Variants in PAFAH1B1 observed in about 807,000 individuals in gnomAD.
PAFAH1B1 encodes the protein platelet activating factor acetylhydrolase 1b regulatory subunit 1, also known as platelet-activating factor acetylhydrolase IB subunit beta.
In PAFAH1B1, 2 loss-of-function variants were observed where a neutral mutation model predicts 57.5. The observed-to-expected ratio is 0.03, with a 90% CI of 0.01 to 0.11. PAFAH1B1 has a LOEUF of 0.11. Ranked by LOEUF, PAFAH1B1 falls within the 10% of genes least tolerant of loss-of-function variation. The pLI is 1.00. For missense variants in PAFAH1B1, 257 were observed against 512.0 expected (o/e 0.50, Z 4.81); for synonymous variants, 152 against 169.6 (o/e 0.90, Z 0.81).
At chr17:2,622,985 G>A (rs1443845346) in intron 1 of PAFAH1B1, among the ~76,000 whole-genome samples, 3 of 152,308 alleles carry the variant, frequency 2.0e-5, no homozygotes, top group Admixed American at 6.5e-5. Context: ...TGAGCTGTAC[G>A]TCAGCCCCTT....
rs187519888 is a variant in PAFAH1B1 at position 2,676,249 on chromosome 17, G to A, written c.901-256G>A. 1,115 of 414,282 alleles carry A rather than the reference G, an allele frequency of 2.7e-3. 12 individuals are homozygous for A. Among genetic ancestry groups the A allele is most frequent in the African/African-American group, 0.021 (1,007 of 49,086 alleles). 25.7% of individuals were successfully genotyped at this position (414,282 alleles called of 1,614,324 possible). On this transcript the variant is annotated intron_variant, in intron 8 of 10. Transcript: ENST00000397195. ...AAAAATTAGCCACATGTGGTGGTGC[G>A]TGCCTGTAATCACATCTACTTGGGA...
chr17:2,643,696 G>T (rs1213648599), intron 2 of PAFAH1B1, among the ~76,000 whole-genome samples: 1 of 151,846 alleles, frequency 6.6e-6, no homozygotes, highest in African/African-American at 2.4e-5. Context: ...AGTAGCTGGG[G>T]TTACAGGCAG....
chr17:2,679,954 C>G, intron 9 of PAFAH1B1: 2 of 569,144 alleles, frequency 3.5e-6, no homozygotes, highest in Non-Finnish European at 6.2e-6. Flanking sequence ...TCTTTTTAAC[C>G]CTCATCCAGG....
intron 9 of PAFAH1B1, among the ~76,000 whole-genome samples, chr17:2,678,324 C>T (rs2069304109): frequency 6.6e-6 from 1 of 151,262 alleles, no homozygotes; most frequent in Non-Finnish European, 1.5e-5. Flanking sequence ...ATCACTTTAA[C>T]CTGGGAGGCG....
intron 9 of PAFAH1B1, among the ~76,000 whole-genome samples, chr17:2,677,091 T>C (rs1185602512): frequency 6.6e-6 from 1 of 152,108 alleles, no homozygotes; most frequent in African/African-American, 2.4e-5. Context: ...AGGTGGAGCT[T>C]GCAGTGAGCC....
Position 2,638,149 on chromosome 17 carries a change from T to C in PAFAH1B1, c.-140T>C, listed in dbSNP as rs1368060287. 41 of 638,402 alleles carry C rather than the reference T, an allele frequency of 6.4e-5. No individual in the cohort carries two copies. In the Admixed American group the frequency reaches 1.2e-3, roughly 19 times the overall value. The allele number at this position is 638,402 out of a possible 1,614,324, so 39.5% of individuals were successfully genotyped here. On this transcript the variant is annotated 5_prime_UTR_variant, in exon 2 of 11. Coordinates refer to ENST00000397195, the MANE Select transcript of PAFAH1B1 (RefSeq NM_000430.4). ...ATCTTCTGGTTACTAGTTGGATTCA[T>C]TTGTGAAAGAATCATTTTCCCCTGT...
chr17:2,615,847 G>A (rs1174577743), intron 1 of PAFAH1B1, among the ~76,000 whole-genome samples: 2 of 152,180 alleles, frequency 1.3e-5, no homozygotes. Context: ...GATCAGTCTG[G>A]TGTGGCAATA....
chr17:2,662,529 A>G (rs1254606432), intron 2 of PAFAH1B1, among the ~76,000 whole-genome samples: 1 of 151,178 alleles, frequency 6.6e-6, no homozygotes, highest in African/African-American at 2.4e-5. Flanking sequence ...TCAGCCTCCC[A>G]AGTAGCTGGG....
chr17:2,661,612 T>C (rs1220706770), intron 2 of PAFAH1B1, among the ~76,000 whole-genome samples: 1 of 152,172 alleles, frequency 6.6e-6, no homozygotes, highest in Admixed American at 6.6e-5. Context: ...TGCCTCCAGC[T>C]TTGTTCTTTT....
At chr17:2,676,757 G>A in intron 9 of PAFAH1B1, 151 bp downstream of exon 9, 1 of 668,510 alleles carries the variant, frequency 1.5e-6, no homozygotes, top group Non-Finnish European at 2.7e-6. Context: ...TTTTGTTGTT[G>A]TTATAGTGAT....
intron 1 of PAFAH1B1, among the ~76,000 whole-genome samples, chr17:2,597,491 A>T (rs1332675219): frequency 7.1e-6 from 1 of 141,272 alleles, no homozygotes; most frequent in Admixed American, 7.5e-5. Flanking sequence ...GCTCACTGCA[A>T]CCTCTGCCTT....
intron 6 of PAFAH1B1, 42 bp from the exon 7 acceptor site, chr17:2,672,610 TTGG>T (rs764844601): frequency 1.6e-6 from 2 of 1,270,608 alleles, no homozygotes; most frequent in South Asian, 2.4e-5. Flanking sequence ...TTCATTGCTC[TTGG>T]TGGTATATTA....
intron 1 of PAFAH1B1, among the ~76,000 whole-genome samples, chr17:2,621,467 T>C (rs890865246): frequency 1.3e-5 from 2 of 152,218 alleles, no homozygotes; most frequent in Non-Finnish European, 1.5e-5. Context: ...AACAGATTCT[T>C]GAAAGCAACT....
chr17:2,683,849 G>A lies in PAFAH1B1; in HGVS notation c.*2047G>A, dbSNP rs1166868516. 1 of 152,556 alleles carries A rather than the reference G, an allele frequency of 6.6e-6. No homozygotes were observed. The highest frequency in any genetic ancestry group is 1.5e-5 in the Non-Finnish European group (1 of 68,026). The allele number at this position is 152,556 out of a possible 1,614,324, so 9.5% of individuals were successfully genotyped here. Reference sequence around the variant, plus strand: ...CTATTTTGAGAAATATAAATACATAGAAATGGTGCATCTTAACATTTGTTT... The same window carrying A: ...CTATTTTGAGAAATATAAATACATAAAAATGGTGCATCTTAACATTTGTTT... On this transcript the variant is annotated 3_prime_UTR_variant, in exon 11 of 11. Transcript: ENST00000397195.
intron 3 of PAFAH1B1, 41 bp from the exon 4 acceptor site, chr17:2,665,975 G>A (rs756828605): frequency 1.1e-5 from 16 of 1,401,382 alleles, no homozygotes; most frequent in African/African-American, 7.2e-5. Context: ...GAGGATCATA[G>A]TTAAGCCATT....
chr17:2,611,468 G>C (rs527798194), intron 1 of PAFAH1B1, among the ~76,000 whole-genome samples: 1 of 149,038 alleles, frequency 6.7e-6, no homozygotes, highest in Non-Finnish European at 1.5e-5. Flanking sequence ...ACTCCGTCTC[G>C]GGGCAAAAAA....
chr17:2,641,083 T>A (rs575389684), intron 2 of PAFAH1B1: 1 of 152,256 alleles, frequency 6.6e-6, no homozygotes, highest in Non-Finnish European at 1.5e-5. Context: ...GCAGCACTTA[T>A]CATTTTGCTG....
At position 2,656,771 on chromosome 17, in the gene PAFAH1B1, A is replaced by G. The variant is rs78256615; in HGVS notation, c.33-8601A>G. Among the ~76,000 whole-genome samples the G allele has an allele frequency of 3.0e-3, 458 of 152,250 alleles. 1 individual carries two copies. Among genetic ancestry groups the G allele is most frequent in the Non-Finnish European group, 4.6e-3 (313 of 68,012 alleles). On this transcript the variant is annotated intron_variant, in intron 2 of 10. Transcript: ENST00000397195. Reference sequence around the variant, plus strand: ...CTTCCTTTGTTTAGTTTGCTGTTTCATGTAATCTGCCTGTATACTTCTGAC... The same window carrying G: ...CTTCCTTTGTTTAGTTTGCTGTTTCGTGTAATCTGCCTGTATACTTCTGAC...
chr17:2,654,936 G>A (rs942072867), intron 2 of PAFAH1B1, among the ~76,000 whole-genome samples: 7 of 150,098 alleles, frequency 4.7e-5, no homozygotes, highest in Non-Finnish European at 1.0e-4. Context: ...GCCACCCTGC[G>A]TGGCTTTTTT....
Sources: gnomAD v4.1 joint callset for allele counts (sites outside exome capture counted in the v4.1 genomes callset) on GRCh38, gnomAD v4.1.1 for gene constraint, MANE v1.5 for transcripts, NCBI Gene and HGNC (gene_info 2026-07-23, HGNC 2026-07-21) for gene names.